The following SMOX variants were observed in gnomAD, a reference collection of about 807,000 sequenced individuals.
The protein encoded by SMOX is flavin containing amine oxidase.
A neutral mutation model predicts 51.0 loss-of-function variants in SMOX; 22 were observed. The ratio of observed to expected loss-of-function variants is 0.43; its 90% confidence interval spans 0.31 to 0.62. SMOX has a LOEUF of 0.62. Ranked by LOEUF, SMOX falls within the 20% of genes least tolerant of loss-of-function variation. SMOX has a pLI of 0.10. For missense variants in SMOX, 566 were observed against 777.7 expected, an observed-to-expected ratio of 0.73 and a Z score of 3.24; for synonymous variants, 282 against 307.8, an observed-to-expected ratio of 0.92 and a Z score of 0.88.
At chr20:4,161,618 G>A (rs750780601) in intron 1 of SMOX, among the ~76,000 whole-genome samples, 15 of 152,180 alleles carry the variant, frequency 9.9e-5, no homozygotes, top group Non-Finnish European at 2.1e-4. Flanking sequence ...GTCCCCAGGA[G>A]GTTGACACAG....
At chr20:4,175,303 C>G (rs774048650) in intron 2 of SMOX, 40 bp downstream of exon 2, 2 of 1,583,048 alleles carry the variant, frequency 1.3e-6, no homozygotes, top group Non-Finnish European at 1.7e-6. Flanking sequence ...CTCCCCAGGT[C>G]ACCTTTAGTC....
At position 4,181,981 on chromosome 20, in the gene SMOX, C is replaced by T. The variant is rs1979360267; in HGVS notation, c.609+5C>T. On this transcript the variant is annotated splice_donor_5th_base_variant and intron_variant, in intron 4 of 6. Coordinates refer to ENST00000305958, the MANE Select transcript of SMOX (RefSeq NM_175839.3). This position sits in a 1 kb window ranked among gnomAD's most constrained non-coding sequence, Gnocchi z 5.6. The stretch of plus-strand genomic sequence containing the variant: ...ATGATCCAGCAGTACCTGAAGGTAT[C>T]TTGAGGAAGACGGATTCTGGGGGCG... 1 of 1,613,720 alleles carries T rather than the reference C, an allele frequency of 6.2e-7. No individual in the cohort carries two copies. The highest frequency in any genetic ancestry group is 2.2e-5 in the East Asian group (1 of 44,860).
rs376767598 is a variant in SMOX at position 4,182,383 on chromosome 20, G to C, written c.904G>C (p.Gly302Arg). ...EGGQGGEEPR[G>R]GRWDEDEQWS... Reference sequence around the variant, plus strand: ...TGGCCAGGGTGGAGAGGAGCCCCGGGGGGGCAGGTGGGATGAGGATGAGCA... The same window carrying C: ...TGGCCAGGGTGGAGAGGAGCCCCGGCGGGGCAGGTGGGATGAGGATGAGCA... The change falls in exon 5 of 7, where the codon GGG becomes CGG. Residue 302 changes from glycine to arginine, a missense_variant. Transcript: ENST00000305958. This position sits in a 1 kb window ranked among gnomAD's most constrained non-coding sequence, Gnocchi z 8.4. The C allele has an allele frequency of 3.8e-6, 6 of 1,597,564 alleles. No individual in the cohort carries two copies. The highest frequency in any genetic ancestry group is 1.1e-5 in the South Asian group (1 of 88,058).
At chr20:4,158,101 CTT>C (rs1986116859) in intron 1 of SMOX, among the ~76,000 whole-genome samples, 2 of 149,134 alleles carry the variant, frequency 1.3e-5, no homozygotes, top group Non-Finnish European at 3.0e-5. Flanking sequence ...GGTGTTTCAC[CTT>C]GTTAGCCAGG....
Position 4,183,550 on chromosome 20 carries a change from C to T in SMOX, c.1426C>T (p.Pro476Ser), listed in dbSNP as rs145492779. The T allele has an allele frequency of 1.3e-5, 21 of 1,614,024 alleles. No homozygotes were observed. The highest frequency in any genetic ancestry group is 1.6e-4 in the Middle Eastern group (1 of 6,082). Residue 476 changes from proline (P) to serine (S), a missense_variant, in exon 6 of 7, where the codon CCT (proline) becomes TCT (serine). By Grantham distance (74) the Pro-to-Ser change is moderately conservative (BLOSUM62 -1). This residue lies in a region of SMOX where 347 missense variants were observed against 481.8 expected (regional missense o/e 0.72). Transcript: ENST00000305958. The surrounding 1 kb of genome is among the most constrained non-coding windows in gnomAD (Gnocchi z 4.3). ...RILRSAWGSN[P>S]YFRGSYSYTQ... ...CTTGCGCTCGGCCTGGGGCAGCAAC[C>T]CTTACTTCCGCGGCTCCTATTCATA...
Position 4,177,488 on chromosome 20 carries a change from TC to T in SMOX, c.348del (p.Lys117ArgfsTer33). ...CAGCGTGGGCCGCATCAGCCTCTAT[TC>T]CAAGAATGGCGTGGCCTGCTACCTT... ...ERSVGRISLYSKNGVACYLTN... is the reference protein window; with the variant it reads ...ERSVGRISLYXKNGVACYLTN... On this transcript the variant is annotated frameshift_variant, in exon 3 of 7. Coordinates refer to ENST00000305958, the MANE Select transcript of SMOX (RefSeq NM_175839.3). LOFTEE classifies it high-confidence loss of function. This position sits in a 1 kb window ranked among gnomAD's most constrained non-coding sequence, Gnocchi z 4.3. 1.9e-6 allele frequency: 3 copies of T among 1,587,510 alleles called. No individual in the cohort carries two copies. Among genetic ancestry groups the T allele is most frequent in the Non-Finnish European group, 2.6e-6 (3 of 1,165,610 alleles).
At chr20:4,186,879 G>C (rs140183686) in intron 6 of SMOX, 1 of 773,828 alleles carries the variant, frequency 1.3e-6, no homozygotes, top group Non-Finnish European at 2.4e-6. Context: ...GTTCTTCCAG[G>C]TTCTAAGTGC....
chr20:4,173,062 G>A (rs1329089346), intron 1 of SMOX, among the ~76,000 whole-genome samples: 1 of 152,166 alleles, frequency 6.6e-6, no homozygotes, highest in Admixed American at 6.5e-5. Context: ...TTGATTGGAG[G>A]GCAGGAATGA....
intron 6 of SMOX, chr20:4,186,695 A>G (rs147520080): frequency 9.0e-6 from 7 of 778,642 alleles, no homozygotes; most frequent in Non-Finnish European, 1.7e-5. Context: ...ATTCCATCAC[A>G]TATGACGCTG....
chr20:4,156,509 C>A (rs1286300551), intron 1 of SMOX, among the ~76,000 whole-genome samples: 1 of 152,142 alleles, frequency 6.6e-6, no homozygotes, highest in Non-Finnish European at 1.5e-5. Flanking sequence ...GCAACTGCTA[C>A]CCCCCTGCCA....
In SMOX at chr20:4,187,627, G is replaced by A. The variant is rs750121046; in HGVS notation, c.*220G>A. On this transcript the variant is annotated 3_prime_UTR_variant, in exon 7 of 7. Transcript: ENST00000305958. The surrounding 1 kb of genome is among the most constrained non-coding windows in gnomAD (Gnocchi z 4.8). ...TTGAGTTACCTCTGTGCTGGATCCC[G>A]TGCCCCCACTTGCCTACCCTCTGTC... 4.5e-5 allele frequency: 26 copies of A among 572,942 alleles called. No homozygotes were observed. Among genetic ancestry groups the A allele is most frequent in the Non-Finnish European group, 6.2e-5 (21 of 336,924 alleles). The allele number at this position is 572,942 out of a possible 1,614,324, so 35.5% of individuals were successfully genotyped here.
In SMOX at chr20:4,150,824, C is replaced by CTTT. The variant is rs753050845; in HGVS notation, c.-27+1865_-27+1867dup. 4.6e-3 allele frequency among the ~76,000 whole-genome samples: 491 copies of CTTT among 107,588 alleles called. 10 individuals carry two copies. Among genetic ancestry groups the CTTT allele is most frequent in the Non-Finnish European group, 5.7e-3 (326 of 57,080 alleles). 70.6% of individuals were successfully genotyped at this position (107,588 alleles called of 152,430 possible). ...CAGTGAATCGCCCATCATCTACTCACTTTTTTTTTTTTTTTTTTTTCTTTG... is the reference window on the plus strand; with the variant it reads ...CAGTGAATCGCCCATCATCTACTCACTTTTTTTTTTTTTTTTTTTTTTTCTTTG... On this transcript the variant is annotated intron_variant, in intron 1 of 6. Transcript: ENST00000305958.
chr20:4,175,038 A>C lies in SMOX; in HGVS notation c.-18A>C, dbSNP rs1195078876. ...ACCTCCTCCCCCTGCAGGTTCCTAG[A>C]AGGTGAGCGCGGACGGTATGCAAAG... On this transcript the variant is annotated 5_prime_UTR_variant, in exon 2 of 7. Coordinates refer to ENST00000305958, the MANE Select transcript of SMOX (RefSeq NM_175839.3). The C allele has an allele frequency of 3.7e-6, 6 of 1,613,230 alleles. No homozygotes were observed. Among genetic ancestry groups the C allele is most frequent in the Non-Finnish European group, 5.1e-6 (6 of 1,179,616 alleles).
intron 1 of SMOX, among the ~76,000 whole-genome samples, chr20:4,160,802 G>A (rs377746230): frequency 6.6e-6 from 1 of 152,212 alleles, no homozygotes. Flanking sequence ...AAGGCTGCCT[G>A]GATCCAGCAC....
intron 6 of SMOX, among the ~76,000 whole-genome samples, chr20:4,184,243 G>A (rs542112751): frequency 4.0e-5 from 6 of 150,514 alleles, no homozygotes; most frequent in South Asian, 2.1e-4. Flanking sequence ...CTGTCCTCCC[G>A]CCTCAACCTC....
intron 1 of SMOX, among the ~76,000 whole-genome samples, chr20:4,158,093 T>G (rs12625564): frequency 0.56 from 81,322 of 144,482 alleles, 23,223 homozygotes; most frequent in Admixed American, 0.6. Flanking sequence ...GTAGAGATGG[T>G]GTTTCACCTT....
Position 4,177,473 on chromosome 20 carries a change from C to A in SMOX, c.331C>A (p.Arg111Ser). 1 of 1,580,108 alleles carries A rather than the reference C, an allele frequency of 6.3e-7. No individual in the cohort carries two copies. The highest frequency in any genetic ancestry group is 2.3e-5 in the East Asian group (1 of 43,704). ...AACCGATGGGGAACGCAGCGTGGGC[C>A]GCATCAGCCTCTATTCCAAGAATGG... is the stretch of plus-strand genomic sequence containing the variant. ...ETTDGERSVG[R>S]ISLYSKNGVA... The change falls in exon 3 of 7, where the codon CGC (arginine) becomes AGC (serine). Residue 111 changes from arginine (R) to serine (S), a missense_variant. By Grantham distance (110) the Arg-to-Ser change is moderately radical. Transcript: ENST00000305958. This position sits in a 1 kb window ranked among gnomAD's most constrained non-coding sequence, Gnocchi z 4.3.
intron 1 of SMOX, among the ~76,000 whole-genome samples, chr20:4,159,223 TGCCTTA>T (rs1224947328): frequency 6.6e-6 from 1 of 152,156 alleles, no homozygotes; most frequent in African/African-American, 2.4e-5. Context: ...GCGATTCTCC[TGCCTTA>T]GCCTCCCAAG....
In SMOX at chr20:4,187,244, C is replaced by T; in HGVS notation, c.1531-26C>T. 6.2e-7 allele frequency: 1 copy of T among 1,602,790 alleles called. No homozygotes were observed. The highest frequency in any genetic ancestry group is 1.7e-5 in the Admixed American group (1 of 59,410). On this transcript the variant is annotated intron_variant, in intron 6 of 6. Transcript: ENST00000305958. The surrounding 1 kb of genome is among the most constrained non-coding windows in gnomAD (Gnocchi z 4.8). ...TTCTGGCCTTTGCTGCTCCTCCACC[C>T]TGACCTCCCCATCCCCGCCCCGCAG...
Sources: gnomAD v4.1 joint callset for allele counts (sites outside exome capture counted in the v4.1 genomes callset) on GRCh38, gnomAD v4.1.1 for gene constraint, gnomAD v4.1.1 regional missense constraint, Gnocchi (gnomAD v3.1) non-coding constraint, MANE v1.5 for transcripts, NCBI Gene and HGNC (gene_info 2026-07-23, HGNC 2026-07-21) for gene names.